SYCP1: variants seen among roughly 807,000 people sequenced by gnomAD.
SYCP1 encodes the protein cancer/testis antigen 8.
In SYCP1, 64 loss-of-function variants were observed where a neutral mutation model predicts 153.1. The ratio of observed to expected loss-of-function variants is 0.42; its 90% CI spans 0.34 to 0.51. The LOEUF (loss-of-function observed/expected upper bound fraction) is 0.51. SYCP1 is among the 20% of genes least tolerant of loss of function. The probability of loss-of-function intolerance (pLI) is 0.06; values close to 1 mark genes in which losing one functional copy is unlikely to be tolerated. For synonymous variants in SYCP1, 384 were observed against 341.8 expected (o/e 1.12, Z -1.36); for missense variants, 997 against 1,049.0 (o/e 0.95, Z 0.68).
chr1:114,987,985 C>T (rs1004953384), intron 30 of SYCP1, among the ~76,000 whole-genome samples: 2 of 149,164 alleles, frequency 1.3e-5, no homozygotes, highest in African/African-American at 4.9e-5. Context: ...AATGAGAAAC[C>T]CACTAGAGGG....
chr1:114,922,363 A>G (rs1339040427), intron 20 of SYCP1, among the ~76,000 whole-genome samples: 1 of 152,110 alleles, frequency 6.6e-6, no homozygotes, highest in Non-Finnish European at 1.5e-5. Flanking sequence ...GGTAATTTCT[A>G]AAGAAAAGAG....
At chr1:114,937,892 AAAC>A (rs1670127025) in intron 23 of SYCP1, among the ~76,000 whole-genome samples, 1 of 152,172 alleles carries the variant, frequency 6.6e-6, no homozygotes, top group African/African-American at 2.4e-5. Flanking sequence ...AAAAGTCAGG[AAAC>A]AACAGGTGCT....
At chr1:114,869,925 A>C (rs1665000185) in intron 8 of SYCP1, among the ~76,000 whole-genome samples, 1 of 152,138 alleles carries the variant, frequency 6.6e-6, no homozygotes, top group South Asian at 2.1e-4. Context: ...TTTTTGCTTC[A>C]CGTATTTTGA....
At chr1:114,975,824 A>C (rs969163301) in intron 27 of SYCP1, among the ~76,000 whole-genome samples, 9 of 151,810 alleles carry the variant, frequency 5.9e-5, no homozygotes, top group African/African-American at 2.2e-4. Flanking sequence ...CTTGATATGG[A>C]GAGAGAGATT....
chr1:114,857,208 T>C, intron 3 of SYCP1, 24 bp from the exon 4 acceptor site: 2 of 1,504,210 alleles, frequency 1.3e-6, no homozygotes, highest in Non-Finnish European at 1.8e-6. Context: ...GCGTATTTAA[T>C]ACCTGTTGTC....
chr1:114,943,102 A>G (rs995420466), intron 23 of SYCP1, among the ~76,000 whole-genome samples: 1 of 151,980 alleles, frequency 6.6e-6, no homozygotes, highest in Non-Finnish European at 1.5e-5. Context: ...GTCTGACACT[A>G]TCAACTCTTG....
chr1:114,949,514 A>T (rs926820340), intron 27 of SYCP1, among the ~76,000 whole-genome samples: 6 of 152,162 alleles, frequency 3.9e-5, no homozygotes, highest in Admixed American at 3.9e-4. Flanking sequence ...AAGTTAGGAG[A>T]GGCCCTCCTT....
At chr1:114,959,025 T>C (rs1423972727) in intron 27 of SYCP1, among the ~76,000 whole-genome samples, 1 of 152,158 alleles carries the variant, frequency 6.6e-6, no homozygotes, top group East Asian at 1.9e-4. Flanking sequence ...GGTTGTTTTT[T>C]CAGTTTCTTG....
rs188973198 is a variant in SYCP1 at position 114,857,406 on chromosome 1, T to G, written c.238-38T>G. 383 of 1,558,876 alleles carry G rather than the reference T, an allele frequency of 2.5e-4. 3 individuals carry two copies. The African/African-American group carries it at 5.0e-3, about 20-fold the overall frequency. On this transcript the variant is annotated intron_variant, in intron 4 of 31. Coordinates refer to ENST00000369522, the MANE Select transcript of SYCP1 (RefSeq NM_003176.4). ...AATTGTTATTATTTAGAAGCTCTTA[T>G]CAGAAGTATTTTCTTATAGAAACAT...
At chr1:114,968,941 C>T (rs1165557685) in intron 27 of SYCP1, among the ~76,000 whole-genome samples, 1 of 152,192 alleles carries the variant, frequency 6.6e-6, no homozygotes, top group Non-Finnish European at 1.5e-5. Context: ...GGGTCCTCTT[C>T]TGTAGGTCTG....
At chr1:114,967,833 C>G (rs1672233253) in intron 27 of SYCP1, among the ~76,000 whole-genome samples, 1 of 152,232 alleles carries the variant, frequency 6.6e-6, no homozygotes, top group Middle Eastern at 3.4e-3. Context: ...TTTTTCCTTT[C>G]CATATTTAGT....
intron 27 of SYCP1, among the ~76,000 whole-genome samples, chr1:114,955,683 A>C (rs899035071): frequency 6.6e-6 from 1 of 152,210 alleles, no homozygotes; most frequent in South Asian, 2.1e-4. Context: ...TGGGAGCCTC[A>C]GGACTCAAGA....
intron 27 of SYCP1, among the ~76,000 whole-genome samples, chr1:114,966,492 A>G (rs1672135943): frequency 6.6e-6 from 1 of 152,046 alleles, no homozygotes; most frequent in African/African-American, 2.4e-5. Context: ...AGTGCTACAA[A>G]TTTCCCTATA....
intron 29 of SYCP1, among the ~76,000 whole-genome samples, chr1:114,983,883 G>A (rs906915377): frequency 6.6e-6 from 1 of 151,756 alleles, no homozygotes; most frequent in African/African-American, 2.4e-5. Context: ...TTGTACTGAT[G>A]TCTCTGACCT....
chr1:114,958,062 GA>G (rs1319133365), intron 27 of SYCP1, among the ~76,000 whole-genome samples: 1 of 152,168 alleles, frequency 6.6e-6, no homozygotes, highest in Non-Finnish European at 1.5e-5. Flanking sequence ...ATTGGATAAA[GA>G]AAATGTGGTA....
chr1:114,919,429 A>T (rs1328882317), intron 20 of SYCP1, among the ~76,000 whole-genome samples: 1 of 152,010 alleles, frequency 6.6e-6, no homozygotes, highest in African/African-American at 2.4e-5. Flanking sequence ...AGATTTTTGC[A>T]TCAATGTTCA....
intron 17 of SYCP1, among the ~76,000 whole-genome samples, chr1:114,911,051 C>A (rs978132380): frequency 1.8e-4 from 27 of 151,770 alleles, no homozygotes; most frequent in Non-Finnish European, 1.5e-5. Context: ...TGTTTCCAGT[C>A]CATGACAGTA....
intron 30 of SYCP1, among the ~76,000 whole-genome samples, chr1:114,991,170 G>C (rs1298887461): frequency 6.6e-6 from 1 of 151,852 alleles, no homozygotes; most frequent in Non-Finnish European, 1.5e-5. Context: ...TACACTGATA[G>C]AGGAGTATAA....
intron 8 of SYCP1, among the ~76,000 whole-genome samples, chr1:114,864,790 A>AT (rs1207308832): frequency 2.0e-5 from 3 of 152,194 alleles, no homozygotes; most frequent in African/African-American, 7.2e-5. Context: ...CCTGGCCCAC[A>AT]TAATTTCTTC....
Sources: gnomAD v4.1 joint callset for allele counts (sites outside exome capture counted in the v4.1 genomes callset) on GRCh38, gnomAD v4.1.1 for gene constraint, MANE v1.5 for transcripts, NCBI Gene and HGNC (gene_info 2026-07-23, HGNC 2026-07-21) for gene names.